Variants in GPC5 observed in about 807,000 individuals in gnomAD.
The protein encoded by GPC5 is glypican 5.
Under a neutral mutation model 53.9 loss-of-function variants are expected in GPC5, and 47 were observed. The observed-to-expected ratio is 0.87, with a 90% CI of 0.69 to 1.11. The LOEUF is 1.11. Among genes scored for constraint, GPC5 ranks in the 50% most tolerant of loss-of-function variants. GPC5 has a pLI of 0.00. For synonymous variants in GPC5, 286 were observed against 263.3 expected (o/e 1.09, Z -0.84); for missense variants, 748 against 713.1 (o/e 1.05, Z -0.56).
intron 7 of GPC5, among the ~76,000 whole-genome samples, chr13:92,238,821 A>G (rs2042588567): frequency 6.6e-6 from 1 of 151,900 alleles, no homozygotes; most frequent in African/African-American, 2.4e-5. Context: ...TATTTAAACA[A>G]TCATTGCCTA....
At chr13:92,157,524 G>T (rs148214918) in intron 7 of GPC5, among the ~76,000 whole-genome samples, 2,912 of 152,168 alleles carry the variant, frequency 0.019, 34 homozygotes, top group Non-Finnish European at 0.029. Flanking sequence ...AGAGAATCCT[G>T]GCTTTTGAAA....
At chr13:91,650,750 G>GTTTTGTTTTGTTT (rs1555333961) in intron 2 of GPC5, among the ~76,000 whole-genome samples, 6 of 99,602 alleles carry the variant, frequency 6.0e-5, no homozygotes, top group African/African-American at 2.4e-4. Flanking sequence ...ATTCCCATAA[G>GTTTTGTTTTGTTT]TTTTTTTTTT....
At chr13:92,125,240 G>A (rs898843660) in intron 6 of GPC5, among the ~76,000 whole-genome samples, 1 of 152,134 alleles carries the variant, frequency 6.6e-6, no homozygotes, top group Non-Finnish European at 1.5e-5. Flanking sequence ...GCCTTAAGAT[G>A]ACTTCAGACT....
intron 6 of GPC5, among the ~76,000 whole-genome samples, chr13:92,085,766 C>T (rs1488986781): frequency 6.6e-6 from 1 of 152,102 alleles, no homozygotes; most frequent in African/African-American, 2.4e-5. Context: ...ATAAGGAGCA[C>T]ACAACCTAGA....
At chr13:92,117,517 A>G (rs1218252778) in intron 6 of GPC5, among the ~76,000 whole-genome samples, 1 of 152,202 alleles carries the variant, frequency 6.6e-6, no homozygotes, top group Non-Finnish European at 1.5e-5. Flanking sequence ...ATTTACCAAG[A>G]AATCCTTGTG....
intron 7 of GPC5, among the ~76,000 whole-genome samples, chr13:92,161,317 T>C (rs2041986372): frequency 6.6e-6 from 1 of 152,102 alleles, no homozygotes; most frequent in African/African-American, 2.4e-5. Flanking sequence ...CCAATAAAGC[T>C]TGAGAACAAC....
In GPC5 at chr13:92,364,532, C is replaced by T. The variant is rs188034215; in HGVS notation, c.1561+219543C>T. Among the ~76,000 whole-genome samples, 174 of 151,748 alleles carry T rather than the reference C, an allele frequency of 1.1e-3. 9 individuals carry two copies. The highest frequency in any genetic ancestry group is 4.0e-3 in the African/African-American group (165 of 41,070). On this transcript the variant is annotated intron_variant, in intron 7 of 7. Coordinates refer to ENST00000377067, the MANE Select transcript of GPC5 (RefSeq NM_004466.6). ...GATCACGAGGTCAGGAGATAGAGAC[C>T]ATCCTGGCTAACATGGTGAAACCCC...
At chr13:92,061,098 A>AT (rs5805727) in intron 6 of GPC5, among the ~76,000 whole-genome samples, 13 of 151,726 alleles carry the variant, frequency 8.6e-5, no homozygotes, top group African/African-American at 2.7e-4. Flanking sequence ...GGGTGCTGTT[A>AT]GATAATACAT....
intron 6 of GPC5, among the ~76,000 whole-genome samples, chr13:92,063,945 T>C (rs1395021556): frequency 6.6e-6 from 1 of 152,206 alleles, no homozygotes; most frequent in Non-Finnish European, 1.5e-5. Context: ...AGTGACACTT[T>C]TGTTCAAATT....
At chr13:92,278,582 T>C (rs2042892079) in intron 7 of GPC5, among the ~76,000 whole-genome samples, 1 of 152,042 alleles carries the variant, frequency 6.6e-6, no homozygotes, top group Non-Finnish European at 1.5e-5. Flanking sequence ...TCTTTTGTTG[T>C]TCATGCTTTT....
At chr13:91,848,758 G>C (rs1217355615) in intron 5 of GPC5, among the ~76,000 whole-genome samples, 2 of 152,278 alleles carry the variant, frequency 1.3e-5, no homozygotes, top group East Asian at 3.9e-4. Flanking sequence ...TTGCTTCTGA[G>C]CCAGAGACAT....
At chr13:91,445,175 C>T (rs1267185384) in intron 1 of GPC5, among the ~76,000 whole-genome samples, 1 of 152,144 alleles carries the variant, frequency 6.6e-6, no homozygotes, top group African/African-American at 2.4e-5. Context: ...AACTGACTTT[C>T]ACCTTTTCAC....
chr13:91,704,133 G>T (rs1482261285), intron 3 of GPC5, among the ~76,000 whole-genome samples: 1 of 151,940 alleles, frequency 6.6e-6, no homozygotes, highest in Non-Finnish European at 1.5e-5. Flanking sequence ...TCCATTTCTG[G>T]CTTGTATCTA....
At chr13:91,651,520 G>A (rs1386490706) in intron 2 of GPC5, among the ~76,000 whole-genome samples, 1 of 152,050 alleles carries the variant, frequency 6.6e-6, no homozygotes, top group Non-Finnish European at 1.5e-5. Context: ...GGGAGTTCAA[G>A]ACCTGCCTGA....
chr13:91,755,974 G>A (rs2037281189), intron 4 of GPC5, among the ~76,000 whole-genome samples: 1 of 150,926 alleles, frequency 6.6e-6, no homozygotes, highest in Admixed American at 6.6e-5. Flanking sequence ...TTATGCATCA[G>A]TATATACTAT....
At chr13:92,389,140 G>A (rs1251827894) in intron 7 of GPC5, among the ~76,000 whole-genome samples, 1 of 152,096 alleles carries the variant, frequency 6.6e-6, no homozygotes, top group African/African-American at 2.4e-5. Context: ...CAAGGAATGT[G>A]CTGGTTGTTT....
In GPC5 at chr13:91,693,422, C is replaced by T. The variant is rs2035803239; in HGVS notation, c.561C>T (p.Ser187=). The T allele has an allele frequency of 2.5e-6, 4 of 1,613,972 alleles. No individual in the cohort carries two copies. The highest frequency in any genetic ancestry group is 1.3e-5 in the African/African-American group (1 of 74,898). The part of the protein sequence containing the change: ...HLINPGVTDS[S]LEYSECIRMA... The stretch of plus-strand genomic sequence containing the variant: ...TTAACCCTGGTGTGACTGACAGTTC[C>T]CTGGAATACTCAGAATGCATCCGGA... The change falls in exon 3 of 8, where the codon TCC becomes TCT. Residue 187 remains serine (S), a synonymous_variant. Transcript: ENST00000377067.
intron 7 of GPC5, among the ~76,000 whole-genome samples, chr13:92,326,103 T>C (rs1244099628): frequency 6.6e-6 from 1 of 152,054 alleles, no homozygotes; most frequent in African/African-American, 2.4e-5. Flanking sequence ...TTGAGATCAT[T>C]TAGGTGAAAA....
At chr13:92,842,523 A>G (rs1381360034) in intron 7 of GPC5, among the ~76,000 whole-genome samples, 1 of 152,112 alleles carries the variant, frequency 6.6e-6, no homozygotes, top group Non-Finnish European at 1.5e-5. Flanking sequence ...TAGGCATACA[A>G]ATAACATTTA....
Sources: gnomAD v4.1 joint callset for allele counts (sites outside exome capture counted in the v4.1 genomes callset) on GRCh38, gnomAD v4.1.1 for gene constraint, MANE v1.5 for transcripts, NCBI Gene and HGNC (gene_info 2026-07-23, HGNC 2026-07-21) for gene names.